The following OPCML variants were observed in gnomAD, a reference collection of about 807,000 sequenced individuals.
The protein encoded by OPCML is opioid binding protein/cell adhesion molecule like, also known as opioid-binding protein/cell adhesion molecule.
OPCML carries 13 observed loss-of-function variants against 37.8 expected under a neutral mutation model. That is an observed-to-expected ratio of 0.34 (90% CI 0.22 to 0.55). The LOEUF is 0.55. OPCML is among the 20% of genes least tolerant of loss of function. The probability of loss-of-function intolerance (pLI) is 0.91; values close to 1 mark genes in which losing one functional copy is unlikely to be tolerated. For synonymous variants in OPCML, 176 were observed against 168.8 expected, an observed-to-expected ratio of 1.04 and a Z score of -0.33; for missense variants, 341 against 435.6, an observed-to-expected ratio of 0.78 and a Z score of 1.93.
chr11:133,204,888 A>ATGTGTG lies in OPCML; in HGVS notation c.62-261879_62-261878insCACACA, dbSNP rs1555114228. Among the ~76,000 whole-genome samples, 11 of 129,126 alleles carry ATGTGTG rather than the reference A, an allele frequency of 8.5e-5. 1 individual carries two copies. Among genetic ancestry groups the ATGTGTG allele is most frequent in the African/African-American group, 2.8e-4 (10 of 35,566 alleles). The allele number at this position is 129,126 out of a possible 152,430, so 84.7% of individuals were successfully genotyped here. A position where few individuals can be genotyped will look rare whatever the true frequency, so the allele number is the denominator to read the frequency against. ...TATGTGTATATATATATATATATAT[A>ATGTGTG]TATATATATATATATATATATACAT... On this transcript the variant is annotated intron_variant, in intron 1 of 7. Transcript: ENST00000524381.
At chr11:132,843,753 C>A (rs924107333) in intron 2 of OPCML, among the ~76,000 whole-genome samples, 1 of 152,166 alleles carries the variant, frequency 6.6e-6, no homozygotes, top group Non-Finnish European at 1.5e-5. Flanking sequence ...ATCATCACTG[C>A]GAAGGACAGG....
At chr11:132,450,872 G>A (rs577601381) in intron 4 of OPCML, among the ~76,000 whole-genome samples, 1 of 152,240 alleles carries the variant, frequency 6.6e-6, no homozygotes, top group Non-Finnish European at 1.5e-5. Flanking sequence ...TAAAATAATG[G>A]GGTGGGGTTT....
chr11:132,925,833 AG>A (rs1181713335), intron 2 of OPCML, among the ~76,000 whole-genome samples: 4 of 152,178 alleles, frequency 2.6e-5, no homozygotes, highest in Admixed American at 6.5e-5. Context: ...ATGGAGAGCC[AG>A]CCCCCAAGCT....
intron 1 of OPCML, chr11:133,009,261 G>T: frequency 1.0e-6 from 1 of 983,884 alleles, no homozygotes; most frequent in Non-Finnish European, 1.2e-6. Context: ...ATAAATACTT[G>T]CTTGTTAAAA....
At chr11:132,807,117 A>C (rs1354852961) in intron 2 of OPCML, among the ~76,000 whole-genome samples, 3 of 152,218 alleles carry the variant, frequency 2.0e-5, no homozygotes, top group Non-Finnish European at 4.4e-5. Flanking sequence ...CTGTAAGTAG[A>C]TAAAGAAGAA....
intron 1 of OPCML, among the ~76,000 whole-genome samples, chr11:133,371,448 A>T (rs1944673348): frequency 6.6e-6 from 1 of 152,186 alleles, no homozygotes; most frequent in Non-Finnish European, 1.5e-5. Context: ...TTGAATTGTA[A>T]TCCAAATTGT....
intron 4 of OPCML, among the ~76,000 whole-genome samples, chr11:132,457,218 G>A (rs1470276384): frequency 6.6e-6 from 1 of 152,192 alleles, no homozygotes; most frequent in African/African-American, 2.4e-5. Flanking sequence ...GAAAACACAA[G>A]AGGCTCCATG....
chr11:132,748,305 T>A (rs931474889), intron 2 of OPCML, among the ~76,000 whole-genome samples: 8 of 152,162 alleles, frequency 5.3e-5, no homozygotes, highest in Non-Finnish European at 7.3e-5. Context: ...GTTCACTGCA[T>A]CTTCCTCTCT....
At chr11:133,192,979 G>T (rs1031268793) in intron 1 of OPCML, among the ~76,000 whole-genome samples, 1 of 151,500 alleles carries the variant, frequency 6.6e-6, no homozygotes, top group Admixed American at 6.6e-5. Context: ...TTGGCTGTAG[G>T]TTTCTTCTCT....
chr11:133,459,407 C>A (rs965320014), intron 1 of OPCML, among the ~76,000 whole-genome samples: 1 of 151,964 alleles, frequency 6.6e-6, no homozygotes, highest in African/African-American at 2.4e-5. Context: ...GGCTTAAACT[C>A]TCCAATCAAA....
At chr11:132,788,100 C>T (rs1273512762) in intron 2 of OPCML, among the ~76,000 whole-genome samples, 1 of 152,112 alleles carries the variant, frequency 6.6e-6, no homozygotes, top group East Asian at 1.9e-4. Context: ...AGGATGATCT[C>T]GATCTCTTGA....
intron 1 of OPCML, among the ~76,000 whole-genome samples, chr11:133,427,545 CT>C (rs1219588329): frequency 4.7e-5 from 5 of 106,130 alleles, no homozygotes; most frequent in African/African-American, 7.7e-5. Context: ...TTCCTGAAAA[CT>C]AACAGGATAA....
chr11:132,874,749 C>T (rs928609889), intron 2 of OPCML, among the ~76,000 whole-genome samples: 9 of 152,144 alleles, frequency 5.9e-5, no homozygotes, highest in African/African-American at 9.7e-5. Context: ...ACTGCACGGA[C>T]GGTCTGTGTT....
At chr11:133,175,431 T>A (rs1171331820) in intron 1 of OPCML, among the ~76,000 whole-genome samples, 5 of 151,456 alleles carry the variant, frequency 3.3e-5, no homozygotes, top group African/African-American at 9.7e-5. Flanking sequence ...TAAAGATGTT[T>A]ATACCTTACT....
intron 1 of OPCML, among the ~76,000 whole-genome samples, chr11:133,059,601 T>C (rs1022639834): frequency 1.3e-5 from 2 of 152,194 alleles, no homozygotes; most frequent in African/African-American, 4.8e-5. Context: ...CTTGATTTTA[T>C]TACATTTCAA....
intron 1 of OPCML, among the ~76,000 whole-genome samples, chr11:133,462,056 G>C (rs973473317): frequency 6.6e-6 from 1 of 151,876 alleles, no homozygotes; most frequent in Admixed American, 6.6e-5. Flanking sequence ...TAAAAAGTTT[G>C]AGAAAACTAG....
intron 1 of OPCML, among the ~76,000 whole-genome samples, chr11:133,258,447 T>G (rs139145479): frequency 6.6e-6 from 1 of 152,164 alleles, no homozygotes; most frequent in Non-Finnish European, 1.5e-5. Flanking sequence ...GATGAGCACG[T>G]GACCTACAGG....
At chr11:133,501,700 G>A (rs1352262471) in intron 1 of OPCML, among the ~76,000 whole-genome samples, 2 of 151,272 alleles carry the variant, frequency 1.3e-5, no homozygotes, top group Admixed American at 1.3e-4. Flanking sequence ...GGAGTGCAGG[G>A]GCTTCAAACG....
chr11:133,512,414 C>T (rs1343597770), intron 1 of OPCML, among the ~76,000 whole-genome samples: 2 of 152,216 alleles, frequency 1.3e-5, no homozygotes, highest in African/African-American at 4.8e-5. Context: ...GAGGTACAGC[C>T]TCGGCACCAT....
Sources: allele counts gnomAD v4.1 joint callset (sites outside exome capture counted in the v4.1 genomes callset), GRCh38; gene constraint gnomAD v4.1.1; transcripts MANE v1.5; gene names NCBI Gene and HGNC (gene_info 2026-07-23, HGNC 2026-07-21).